GSAP: variants seen among roughly 807,000 people sequenced by gnomAD.
GSAP encodes the protein gamma-secretase-activating protein.
Under a neutral mutation model 131.7 loss-of-function variants are expected in GSAP, and 118 were observed. The observed-to-expected ratio is 0.90, with a 90% CI of 0.77 to 1.04. The LOEUF is 1.04. GSAP is among the 50% of genes least tolerant of loss of function. The pLI is 0.00. For missense variants in GSAP, 1,019 were observed against 1,013.2 expected (o/e 1.01, Z -0.08); for synonymous variants, 381 against 363.4 (o/e 1.05, Z -0.55).
At chr7:77,312,032 C>T (rs1584177972) in intron 29 of GSAP, 69 bp downstream of exon 29, 2 of 1,202,616 alleles carry the variant, frequency 1.7e-6, no homozygotes, top group South Asian at 2.5e-5. Context: ...GCTGTCCATA[C>T]AGATATGTTG....
Position 77,406,062 on chromosome 7 carries a change from A to G in GSAP, c.153T>C (p.Val51=). The G allele has an allele frequency of 9.0e-7, 1 of 1,110,418 alleles. No homozygotes were observed. The highest frequency in any genetic ancestry group is 4.2e-5 in the East Asian group (1 of 24,094). The allele number at this position is 1,110,418 out of a possible 1,614,324, so 68.8% of individuals were successfully genotyped here. A position where few individuals can be genotyped will look rare whatever the true frequency, so the allele number is the denominator to read the frequency against. The part of the protein sequence containing the change: ...NDYESLHVLN[V]ERNGNIIYTY... ...TATAAATAATATTTCCATTTCTTTC[A>G]ACATTTAATACATGTAAGCTCTCAT... The change falls in exon 2 of 31, where the codon GTT becomes GTC. Residue 51 remains valine, a synonymous_variant. Transcript: ENST00000257626.
rs774385634 is a variant in GSAP at position 77,329,369 on chromosome 7, G to A, written c.1697C>T (p.Ala566Val). 37 of 1,582,788 alleles carry A rather than the reference G, an allele frequency of 2.3e-5. No individual in the cohort carries two copies. Among genetic ancestry groups the A allele is most frequent in the African/African-American group, 9.5e-5 (7 of 74,038 alleles). ...SEEKTGKRRS[A>V]AYVRNILDNA... is the part of the protein sequence containing the mutation. ...ATCAAGAATATTCCTCACGTATGCCGCAGACCTTCTTTTTCCTGTTTTCTA... is the reference window on the plus strand; with the variant it reads ...ATCAAGAATATTCCTCACGTATGCCACAGACCTTCTTTTTCCTGTTTTCTA... The change falls in exon 21 of 31, where the codon GCG becomes GTG. Residue 566 changes from alanine (A) to valine (V), a missense_variant. Coordinates refer to ENST00000257626, the MANE Select transcript of GSAP (RefSeq NM_017439.4).
In GSAP at chr7:77,355,231, C is replaced by T. The variant is rs536373652; in HGVS notation, c.1320G>A (p.Ala440=). 2.5e-5 allele frequency: 41 copies of T among 1,612,038 alleles called. 1 individual carries two copies. The South Asian group carries it at 3.4e-4, about 13-fold the overall frequency. The change falls in exon 16 of 31, where the codon GCG becomes GCA. Residue 440 remains alanine, a synonymous_variant. Coordinates refer to ENST00000257626, the MANE Select transcript of GSAP (RefSeq NM_017439.4). The part of the protein sequence containing the change: ...LHCALYCGQG[A]QFLEAQIIQW... ...TTCTCACCTGGGCTTCCAGGAACTGCGCACCTTGACCGCAGTAGAGCGCGC... is the reference window on the plus strand; with the variant it reads ...TTCTCACCTGGGCTTCCAGGAACTGTGCACCTTGACCGCAGTAGAGCGCGC...
chr7:77,416,253 C>G lies in GSAP; in HGVS notation c.69G>C (p.Arg23=), dbSNP rs1426871460. 11 of 1,494,724 alleles carry G rather than the reference C, an allele frequency of 7.4e-6. No homozygotes were observed. Among genetic ancestry groups the G allele is most frequent in the Non-Finnish European group, 9.8e-6 (11 of 1,124,208 alleles). 92.6% of individuals were successfully genotyped at this position (1,494,724 alleles called of 1,614,324 possible). Reference sequence around the variant, plus strand: ...CGGCCCCGCTGGCCTCCGACACTGCCCGCTGCGCCCGCAACCACGGGAGCA... The same window carrying G: ...CGGCCCCGCTGGCCTCCGACACTGCGCGCTGCGCCCGCAACCACGGGAGCA... ...KDVLPWLRAQ[R]AVSEASGAGS... The change falls in exon 1 of 31, where the codon CGG becomes CGC. Residue 23 remains arginine (R), a synonymous_variant. Transcript: ENST00000257626.
At position 77,387,505 on chromosome 7, in the gene GSAP, T is replaced by C; in HGVS notation, c.368-57A>G. Reference sequence around the variant, plus strand: ...GATTGTAATATCACACATTATTTTTTCCAAAGCAAGGAGTAAGAACAATTT... The same window carrying C: ...GATTGTAATATCACACATTATTTTTCCCAAAGCAAGGAGTAAGAACAATTT... On this transcript the variant is annotated intron_variant, in intron 5 of 30. Coordinates refer to ENST00000257626, the MANE Select transcript of GSAP (RefSeq NM_017439.4). The C allele has an allele frequency of 3.2e-6, 3 of 945,260 alleles. No homozygotes were observed. In the South Asian group the frequency reaches 3.9e-5, roughly 12 times the overall value. The allele number at this position is 945,260 out of a possible 1,614,324, so 58.6% of individuals were successfully genotyped here. A position where few individuals can be genotyped will look rare whatever the true frequency, so the allele number is the denominator to read the frequency against.
At chr7:77,356,613 G>C (rs915130505) in intron 14 of GSAP, among the ~76,000 whole-genome samples, 1 of 152,088 alleles carries the variant, frequency 6.6e-6, no homozygotes, top group Non-Finnish European at 1.5e-5. Context: ...TTCAGTCCCT[G>C]CACTAGATAT....
intron 19 of GSAP, among the ~76,000 whole-genome samples, chr7:77,346,133 AGTGGTGCACACCT>A (rs945591917): frequency 6.6e-6 from 1 of 151,700 alleles, no homozygotes; most frequent in African/African-American, 2.4e-5. Context: ...ATCCGGGCAT[AGTGGTGCACACCT>A]GTAATCCCAG....
rs1300686354 is a variant in GSAP at position 77,334,579 on chromosome 7, TTAAA to T, written c.1546-4216_1546-4213del. Among the ~76,000 whole-genome samples, 37 of 82,402 alleles carry T rather than the reference TTAAA, an allele frequency of 4.5e-4. 1 individual carries two copies. The highest frequency in any genetic ancestry group is 1.3e-3 in the African/African-American group (27 of 20,412). The allele number at this position is 82,402 out of a possible 152,430, so 54.1% of individuals were successfully genotyped here. On this transcript the variant is annotated intron_variant, in intron 19 of 30. Transcript: ENST00000257626. Reference sequence around the variant, plus strand: ...GCCCATGTATCCTGGAACTTAAAATTTAAAAAAAAAAAAAAAAAAAAAAAAAAGA... The same window carrying T: ...GCCCATGTATCCTGGAACTTAAAATTAAAAAAAAAAAAAAAAAAAAAAAGA...
chr7:77,377,217 T>TAA (rs145079993), intron 9 of GSAP, 69 bp downstream of exon 9: 4 of 1,192,634 alleles, frequency 3.4e-6, no homozygotes, highest in Non-Finnish European at 4.2e-6. Context: ...ACCCTGTCTC[T>TAA]AAAAAAATTA....
At chr7:77,381,984 T>A (rs537550536) in intron 7 of GSAP, among the ~76,000 whole-genome samples, 44 of 150,432 alleles carry the variant, frequency 2.9e-4, no homozygotes, top group African/African-American at 1.1e-3. Context: ...TCCTTCCAAC[T>A]ATAAACTAGC....
chr7:77,405,355 G>T (rs770803107), intron 2 of GSAP, among the ~76,000 whole-genome samples: 5 of 152,180 alleles, frequency 3.3e-5, no homozygotes, highest in Non-Finnish European at 7.3e-5. Flanking sequence ...CGTCTGAAGA[G>T]AGTAATCATA....
At chr7:77,416,191 C>T in intron 1 of GSAP, 22 bp downstream of exon 1, 1 of 1,268,186 alleles carries the variant, frequency 7.9e-7, no homozygotes, top group Non-Finnish European at 1.1e-6. Flanking sequence ...CCCCACCCCT[C>T]TCCGCAGCGC....
intron 29 of GSAP, 61 bp downstream of exon 29, chr7:77,312,040 T>G (rs2150573912): frequency 8.1e-7 from 1 of 1,230,274 alleles, no homozygotes; most frequent in East Asian, 2.4e-5. Context: ...TACAGATATG[T>G]TGTCACGGGC....
At chr7:77,340,846 G>T (rs997492587) in intron 19 of GSAP, among the ~76,000 whole-genome samples, 1 of 151,954 alleles carries the variant, frequency 6.6e-6, no homozygotes, top group South Asian at 2.1e-4. Flanking sequence ...TGCAGCCCAG[G>T]GCTGCTCACT....
At chr7:77,379,939 T>C in intron 8 of GSAP, 1 of 923,398 alleles carries the variant, frequency 1.1e-6, no homozygotes, top group Non-Finnish European at 1.3e-6. Context: ...TTTCAATTTG[T>C]TCACTTAACT....
intron 3 of GSAP, among the ~76,000 whole-genome samples, chr7:77,399,013 G>T (rs536784033): frequency 7.9e-4 from 120 of 152,218 alleles, no homozygotes; most frequent in African/African-American, 2.8e-3. Flanking sequence ...TCCTTTAATA[G>T]CTGTATCAAT....
At chr7:77,359,062 C>G (rs1301545490) in intron 14 of GSAP, among the ~76,000 whole-genome samples, 22 of 152,028 alleles carry the variant, frequency 1.4e-4, no homozygotes, top group Admixed American at 1.4e-3. Flanking sequence ...TGGCGTGCGC[C>G]TGTAATCCCA....
chr7:77,318,640 T>G (rs1036546196), intron 26 of GSAP, among the ~76,000 whole-genome samples: 1 of 152,168 alleles, frequency 6.6e-6, no homozygotes, highest in Non-Finnish European at 1.5e-5. Context: ...TAAATGGTGT[T>G]GGAAAAACTG....
At chr7:77,330,905 C>A (rs1789045232) in intron 19 of GSAP, 1 of 946,466 alleles carries the variant, frequency 1.1e-6, no homozygotes, top group African/African-American at 1.8e-5. Context: ...TACACCAAAA[C>A]AGAATTAGTC....
Sources: allele counts gnomAD v4.1 joint callset (sites outside exome capture counted in the v4.1 genomes callset), GRCh38; gene constraint gnomAD v4.1.1; transcripts MANE v1.5; gene names NCBI Gene and HGNC (gene_info 2026-07-23, HGNC 2026-07-21).